SOX6: variants seen among roughly 807,000 people sequenced by gnomAD.
The protein encoded by SOX6 is SRY-box transcription factor 6, also known as transcription factor SOX-6.
Under a neutral mutation model 97.8 loss-of-function variants are expected in SOX6, and 11 were observed. The observed-to-expected ratio is 0.11, with a 90% CI of 0.07 to 0.19. SOX6 has a LOEUF of 0.19. Ranked by LOEUF, SOX6 falls within the 10% of genes least tolerant of loss-of-function variation. The pLI, the probability that SOX6 is intolerant of heterozygous loss-of-function variation, is 1.00. For synonymous variants in SOX6, 360 were observed against 371.4 expected, an observed-to-expected ratio of 0.97 and a Z score of 0.35; for missense variants, 810 against 1,039.5, an observed-to-expected ratio of 0.78 and a Z score of 3.04.
intron 3 of SOX6, among the ~76,000 whole-genome samples, chr11:16,284,837 G>A (rs929288955): frequency 3.9e-5 from 6 of 152,040 alleles, no homozygotes; most frequent in Admixed American, 2.0e-4. Flanking sequence ...CTTGTCCCAT[G>A]TGCCTACCAC....
chr11:16,625,895 AT>A (rs1565196848), intron 3 of SOX6, among the ~76,000 whole-genome samples: 1 of 152,126 alleles, frequency 6.6e-6, no homozygotes, highest in Non-Finnish European at 1.5e-5. Context: ...TAAGTAAACT[AT>A]TTTCCTGAGT....
At chr11:16,660,381 C>A (rs1847757215) in intron 3 of SOX6, among the ~76,000 whole-genome samples, 1 of 152,084 alleles carries the variant, frequency 6.6e-6, no homozygotes. Flanking sequence ...TATGTTGTTT[C>A]ATCTCCAAAC....
At chr11:16,701,838 G>A (rs1564872447) in intron 3 of SOX6, among the ~76,000 whole-genome samples, 1 of 151,444 alleles carries the variant, frequency 6.6e-6, no homozygotes, top group Non-Finnish European at 1.5e-5. Flanking sequence ...AGCTTGCAGT[G>A]AGCCGAAATT....
chr11:16,230,335 G>A (rs904640109), intron 4 of SOX6, among the ~76,000 whole-genome samples: 1 of 149,766 alleles, frequency 6.7e-6, no homozygotes, highest in Non-Finnish European at 1.5e-5. Flanking sequence ...TGGGAGTTGG[G>A]TAGCAAAGAG....
chr11:16,324,075 T>C (rs569596583), intron 2 of SOX6, among the ~76,000 whole-genome samples: 46 of 151,878 alleles, frequency 3.0e-4, no homozygotes, highest in Non-Finnish European at 6.2e-4. Flanking sequence ...TCCCAGCTGC[T>C]TGGGAGGCTG....
intron 14 of SOX6, 36 bp downstream of exon 14, chr11:15,988,961 G>A (rs1210837111): frequency 8.9e-6 from 14 of 1,580,942 alleles, no homozygotes; most frequent in African/African-American, 1.3e-5. Flanking sequence ...GATTTGCAGG[G>A]GAGAAGATCA....
Position 16,134,104 on chromosome 11 carries a change from A to G in SOX6, c.778-22181T>C, listed in dbSNP as rs557569197. Among the ~76,000 whole-genome samples the G allele has an allele frequency of 8.7e-4, 132 of 152,354 alleles. 1 individual carries two copies. Among genetic ancestry groups the G allele is most frequent in the African/African-American group, 3.1e-3 (127 of 41,582 alleles). ...CCAGGCACTTTTTTAAGTGCTTTAC[A>G]TGCATTAACACATTTAATTCTCAAA... is the stretch of plus-strand genomic sequence containing the variant. On this transcript the variant is annotated intron_variant, in intron 6 of 15. Coordinates refer to ENST00000683767, the MANE Select transcript of SOX6 (RefSeq NM_001367873.1).
At chr11:16,574,941 G>A (rs12285632) in intron 4 of SOX6, among the ~76,000 whole-genome samples, 50 of 151,960 alleles carry the variant, frequency 3.3e-4, no homozygotes, top group African/African-American at 1.1e-3. Context: ...TCAGGAGGCT[G>A]AGGCAAGAGA....
intron 3 of SOX6, among the ~76,000 whole-genome samples, chr11:16,252,043 C>T (rs1040245697): frequency 3.3e-5 from 5 of 151,878 alleles, no homozygotes; most frequent in African/African-American, 1.2e-4. Context: ...CTTCAGAAAA[C>T]ATCATTATTA....
chr11:15,980,573 C>T (rs1022777980), intron 15 of SOX6, among the ~76,000 whole-genome samples: 2 of 152,036 alleles, frequency 1.3e-5, no homozygotes, highest in African/African-American at 4.8e-5. Flanking sequence ...TCTTCCTCCA[C>T]CCTACCCATC....
At chr11:16,375,087 A>G (rs67280587) in intron 1 of SOX6, among the ~76,000 whole-genome samples, 47,136 of 150,990 alleles carry the variant, frequency 0.31, 8,284 homozygotes, top group Non-Finnish European at 0.4. Context: ...TGCTGCCATT[A>G]GGTGTTATAT....
intron 9 of SOX6, among the ~76,000 whole-genome samples, chr11:16,086,139 C>A (rs1848573310): frequency 6.6e-6 from 1 of 152,158 alleles, no homozygotes; most frequent in African/African-American, 2.4e-5. Context: ...CTATACTAGC[C>A]ACTTTAAATT....
At chr11:16,367,722 T>A (rs1007726712) in intron 1 of SOX6, among the ~76,000 whole-genome samples, 5 of 152,086 alleles carry the variant, frequency 3.3e-5, no homozygotes, top group Admixed American at 2.6e-4. Context: ...ACCACAACAG[T>A]GTGAATCAAA....
chr11:16,382,333 C>T (rs1242759726), intron 1 of SOX6: 1 of 151,976 alleles, frequency 6.6e-6, no homozygotes, highest in Non-Finnish European at 1.5e-5. Flanking sequence ...TTGGTGGCCA[C>T]GATATCTTCA....
At chr11:16,007,492 A>G (rs1854590301) in intron 13 of SOX6, among the ~76,000 whole-genome samples, 1 of 152,100 alleles carries the variant, frequency 6.6e-6, no homozygotes, top group African/African-American at 2.4e-5. Context: ...CTGGGTGGGT[A>G]CTGACTCTTT....
At chr11:16,306,621 T>TTTTC (rs1440399173) in intron 3 of SOX6, among the ~76,000 whole-genome samples, 2 of 131,900 alleles carry the variant, frequency 1.5e-5, no homozygotes, top group Non-Finnish European at 3.5e-5. Flanking sequence ...CTTTTTTTTT[T>TTTTC]TTTTTCTTTT....
At chr11:16,421,306 G>GA (rs1859017865) in intron 1 of SOX6, among the ~76,000 whole-genome samples, 2 of 151,778 alleles carry the variant, frequency 1.3e-5, no homozygotes, top group South Asian at 2.1e-4. Flanking sequence ...GAGTCTCATA[G>GA]AAAAAATGAA....
intron 3 of SOX6, among the ~76,000 whole-genome samples, chr11:16,296,299 A>C (rs1160047197): frequency 6.6e-6 from 1 of 152,066 alleles, no homozygotes; most frequent in Non-Finnish European, 1.5e-5. Flanking sequence ...AATGTGTATA[A>C]AGAAAGTCAC....
chr11:16,150,815 T>C (rs1850440212), intron 6 of SOX6, among the ~76,000 whole-genome samples: 1 of 152,184 alleles, frequency 6.6e-6, no homozygotes, highest in Admixed American at 6.6e-5. Flanking sequence ...TTATTTAACG[T>C]CAGCATTTCT....
Sources: gnomAD v4.1 joint callset for allele counts (sites outside exome capture counted in the v4.1 genomes callset) on GRCh38, gnomAD v4.1.1 for gene constraint, MANE v1.5 for transcripts, NCBI Gene and HGNC (gene_info 2026-07-23, HGNC 2026-07-21) for gene names.